KIAA0319L: variants seen among roughly 807,000 people sequenced by gnomAD.
The protein encoded by KIAA0319L is KIAA0319 like.
In KIAA0319L, 55 loss-of-function variants were observed where a neutral mutation model predicts 120.1. The ratio of observed to expected loss-of-function variants is 0.46; its 90% CI spans 0.37 to 0.57. The LOEUF (loss-of-function observed/expected upper bound fraction) is 0.57, where lower values mean the gene tolerates loss of function less well. Ranked by LOEUF, KIAA0319L falls within the 20% of genes least tolerant of loss-of-function variation. The probability of loss-of-function intolerance (pLI) is 0.00; values close to 1 mark genes in which losing one functional copy is unlikely to be tolerated. For synonymous variants in KIAA0319L, 398 were observed against 471.9 expected (o/e 0.84, Z 2.03); for missense variants, 1,049 against 1,255.3 (o/e 0.84, Z 2.48).
At chr1:35,463,910 G>A (rs1198558900) in intron 7 of KIAA0319L, among the ~76,000 whole-genome samples, 1 of 152,136 alleles carries the variant, frequency 6.6e-6, no homozygotes, top group Non-Finnish European at 1.5e-5. Context: ...GTTAAAAACA[G>A]GAGTTACTCT....
At chr1:35,504,784 CT>C (rs1211212674) in intron 3 of KIAA0319L, among the ~76,000 whole-genome samples, 1 of 152,156 alleles carries the variant, frequency 6.6e-6, no homozygotes, top group East Asian at 1.9e-4. Flanking sequence ...TTAAAACTCC[CT>C]AATGGTTTCC....
At chr1:35,489,625 G>A (rs1644516583) in intron 3 of KIAA0319L, among the ~76,000 whole-genome samples, 1 of 151,828 alleles carries the variant, frequency 6.6e-6, no homozygotes, top group South Asian at 2.1e-4. Flanking sequence ...AAACTACAGA[G>A]GGTCAGGGAA....
At position 35,453,683 on chromosome 1, in the gene KIAA0319L, T is replaced by A; in HGVS notation, c.1787A>T (p.Asn596Ile). 6.2e-7 allele frequency: 1 copy of A among 1,613,200 alleles called. No homozygotes were observed. The highest frequency in any genetic ancestry group is 8.5e-7 in the Non-Finnish European group (1 of 1,179,526). Residue 596 changes from asparagine to isoleucine, a missense_variant, in exon 12 of 21, where the codon AAT (asparagine) becomes ATT (isoleucine). By Grantham distance (149) the Asn-to-Ile change is moderately radical. Transcript: ENST00000325722. This position sits in a 1 kb window ranked among gnomAD's most constrained non-coding sequence, Gnocchi z 4.1. ...QVTVIVQPEN[N>I]KPPQADAGPD... ...GCCTGCATCTGCCTGAGGAGGCTTA[T>A]TGTTTTCTGGAAGACAAAGAGTTAG...
In KIAA0319L at chr1:35,451,784, A is replaced by G. The variant is rs563216093; in HGVS notation, c.1914-8T>C. ...TGCACCCCATCAGGTCCCCTGCAAA[A>G]AAAGAAACTAGAGGGTAGAGTTGTA... On this transcript the variant is annotated splice_polypyrimidine_tract_variant and splice_region_variant and intron_variant, in intron 12 of 20. Coordinates refer to ENST00000325722, the MANE Select transcript of KIAA0319L (RefSeq NM_024874.5). 4 of 1,613,894 alleles carry G rather than the reference A, an allele frequency of 2.5e-6. No homozygotes were observed. The highest frequency in any genetic ancestry group is 1.7e-4 in the Middle Eastern group (1 of 6,052).
chr1:35,463,106 C>T (rs932149286), intron 7 of KIAA0319L, among the ~76,000 whole-genome samples: 1 of 152,340 alleles, frequency 6.6e-6, no homozygotes, highest in East Asian at 1.9e-4. Flanking sequence ...TGCTGTGCAG[C>T]CCAGTTCCTA....
chr1:35,554,223 T>C (rs1647590566), intron 2 of KIAA0319L, 127 bp downstream of exon 2: 1 of 597,770 alleles, frequency 1.7e-6, no homozygotes, highest in African/African-American at 1.9e-5. Flanking sequence ...ACCAAAAGGA[T>C]GACCATTTCT....
Position 35,502,675 on chromosome 1 carries a change from G to A in KIAA0319L, c.666+3937C>T, listed in dbSNP as rs186807010. On this transcript the variant is annotated intron_variant, in intron 3 of 20. Transcript: ENST00000325722. Reference sequence around the variant, plus strand: ...TCAAATATTACATACTCTGACCACCGCCTCCTATCCTTCCAGCACTCACAA... The same window carrying A: ...TCAAATATTACATACTCTGACCACCACCTCCTATCCTTCCAGCACTCACAA... 3.0e-3 allele frequency among the ~76,000 whole-genome samples: 456 copies of A among 152,076 alleles called. 2 individuals are homozygous for A. Among genetic ancestry groups the A allele is most frequent in the African/African-American group, 0.01 (418 of 41,468 alleles).
chr1:35,468,203 A>G (rs1281831795), intron 6 of KIAA0319L, among the ~76,000 whole-genome samples: 1 of 151,834 alleles, frequency 6.6e-6, no homozygotes, highest in African/African-American at 2.4e-5. Context: ...TACTAATTGA[A>G]CCACAAGTAG....
chr1:35,454,137 A>G (rs939028237), intron 11 of KIAA0319L: 22 of 504,418 alleles, frequency 4.4e-5, no homozygotes, highest in Non-Finnish European at 2.1e-5. Context: ...CTTTGAAGGT[A>G]CCAACAACAA....
intron 2 of KIAA0319L, chr1:35,509,660 GC>G (rs1645347851): frequency 6.5e-6 from 1 of 152,954 alleles, no homozygotes; most frequent in Non-Finnish European, 1.5e-5. Flanking sequence ...ATAACTATTA[GC>G]ATACACAGGG....
chr1:35,537,863 A>T (rs889178085), intron 2 of KIAA0319L, among the ~76,000 whole-genome samples: 2 of 152,208 alleles, frequency 1.3e-5, no homozygotes, highest in Admixed American at 6.5e-5. Flanking sequence ...TCTGTACAGA[A>T]ATAATTTCTT....
At chr1:35,525,427 T>C (rs1437758373) in intron 2 of KIAA0319L, among the ~76,000 whole-genome samples, 1 of 152,228 alleles carries the variant, frequency 6.6e-6, no homozygotes, top group Non-Finnish European at 1.5e-5. Flanking sequence ...ATCTCCATAC[T>C]GTTTTACATA....
intron 7 of KIAA0319L, 22 bp from the exon 8 acceptor site, chr1:35,462,735 G>C (rs1486253186): frequency 3.8e-6 from 6 of 1,577,104 alleles, no homozygotes; most frequent in African/African-American, 1.3e-5. Context: ...TGACCCAAAA[G>C]AAATTGGGAA....
chr1:35,444,038 CA>C, intron 17 of KIAA0319L, 122 bp downstream of exon 17: 1 of 843,438 alleles, frequency 1.2e-6, no homozygotes, highest in Non-Finnish European at 1.8e-6. Flanking sequence ...AATAGTAGTG[CA>C]AGAGAATGAT....
intron 3 of KIAA0319L, among the ~76,000 whole-genome samples, chr1:35,504,075 G>A (rs979817430): frequency 2.0e-5 from 3 of 151,436 alleles, no homozygotes; most frequent in Admixed American, 6.6e-5. Context: ...TAGTAGAGGC[G>A]GGGTTTCACC....
At chr1:35,463,175 A>T (rs1643018443) in intron 7 of KIAA0319L, among the ~76,000 whole-genome samples, 1 of 152,190 alleles carries the variant, frequency 6.6e-6, no homozygotes, top group African/African-American at 2.4e-5. Context: ...TGCATTACAT[A>T]ATTAATGATT....
chr1:35,502,964 T>G (rs1025796648), intron 3 of KIAA0319L, among the ~76,000 whole-genome samples: 1 of 152,164 alleles, frequency 6.6e-6, no homozygotes, highest in Non-Finnish European at 1.5e-5. Context: ...TCACACAACT[T>G]AAAGATCAGT....
At chr1:35,466,573 G>C in intron 7 of KIAA0319L, 35 bp downstream of exon 7, 1 of 1,417,070 alleles carries the variant, frequency 7.1e-7, no homozygotes, top group Non-Finnish European at 1.0e-6. Context: ...CCTGCAGAGG[G>C]AGGAAGGGAG....
In KIAA0319L at chr1:35,554,649, C is replaced by T. The variant is rs1055790276; in HGVS notation, c.-28-130G>A. 5.5e-6 allele frequency: 3 copies of T among 542,972 alleles called. No homozygotes were observed. The African/African-American group carries it at 5.8e-5, about 11-fold the overall frequency. 33.6% of individuals were successfully genotyped at this position (542,972 alleles called of 1,614,324 possible). ...TCAAGTTTGTCTTTAACGGCTCAAC[C>T]CTGCCTATAAATTTTAAACCTGGGC... On this transcript the variant is annotated intron_variant, in intron 1 of 20. Coordinates refer to ENST00000325722, the MANE Select transcript of KIAA0319L (RefSeq NM_024874.5).
Sources: gnomAD v4.1 joint callset for allele counts (sites outside exome capture counted in the v4.1 genomes callset) on GRCh38, gnomAD v4.1.1 for gene constraint, Gnocchi (gnomAD v3.1) non-coding constraint, MANE v1.5 for transcripts, NCBI Gene and HGNC (gene_info 2026-07-23, HGNC 2026-07-21) for gene names.